Variants in GRID2 observed in about 807,000 individuals in gnomAD.
GRID2 encodes glutamate receptor ionotropic, delta-2.
A neutral mutation model predicts 114.8 loss-of-function variants in GRID2; 33 were observed. The ratio of observed to expected loss-of-function variants is 0.29; its 90% CI spans 0.22 to 0.38. The LOEUF is 0.38. GRID2 is among the 10% of genes least tolerant of loss of function. GRID2 has a pLI of 1.00. For synonymous variants in GRID2, 505 were observed against 449.9 expected, an observed-to-expected ratio of 1.12 and a Z score of -1.55; for missense variants, 1,184 against 1,257.7, an observed-to-expected ratio of 0.94 and a Z score of 0.89.
At chr4:92,828,818 A>G (rs1741907740) in intron 2 of GRID2, among the ~76,000 whole-genome samples, 1 of 152,112 alleles carries the variant, frequency 6.6e-6, no homozygotes, top group African/African-American at 2.4e-5. Context: ...AAGAAGGCAA[A>G]CAAGTGTCTG....
intron 8 of GRID2, among the ~76,000 whole-genome samples, chr4:93,313,613 C>T (rs565417914): frequency 1.1e-4 from 17 of 152,140 alleles, no homozygotes; most frequent in Admixed American, 1.1e-3. Context: ...AACATACTTC[C>T]ATTCTTAGGA....
chr4:93,217,916 A>G (rs1287351892), intron 6 of GRID2, among the ~76,000 whole-genome samples: 1 of 152,066 alleles, frequency 6.6e-6, no homozygotes, highest in Non-Finnish European at 1.5e-5. Context: ...TATTTACCAT[A>G]GGAAACATTT....
intron 2 of GRID2, among the ~76,000 whole-genome samples, chr4:93,053,087 G>A (rs114076798): frequency 4.6e-5 from 7 of 151,904 alleles, no homozygotes; most frequent in Non-Finnish European, 7.4e-5. Flanking sequence ...TGGCACACTC[G>A]CCTCCCACTC....
intron 8 of GRID2, among the ~76,000 whole-genome samples, chr4:93,262,627 A>G (rs1170303407): frequency 1.3e-5 from 2 of 151,970 alleles, no homozygotes; most frequent in Non-Finnish European, 2.9e-5. Flanking sequence ...AAGAAAAATC[A>G]TTCGTAATCT....
At chr4:92,835,980 T>G (rs1312605725) in intron 2 of GRID2, among the ~76,000 whole-genome samples, 2 of 152,158 alleles carry the variant, frequency 1.3e-5, no homozygotes, top group African/African-American at 2.4e-5. Context: ...ACCCTTTATA[T>G]TCTTAAAAAA....
Position 92,939,821 on chromosome 4 carries a change from G to C in GRID2, c.245-145174G>C, listed in dbSNP as rs1275619350. ...TTCCCAGCACCATTAATTAAATAGG[G>C]AATCCTTTCCTCATTTCTTGTTTTT... On this transcript the variant is annotated intron_variant, in intron 2 of 15. Transcript: ENST00000282020. 2.0e-5 allele frequency among the ~76,000 whole-genome samples: 3 copies of C among 147,210 alleles called. 1 individual carries two copies. In the East Asian group the frequency reaches 6.4e-4, roughly 32 times the overall value.
intron 13 of GRID2, among the ~76,000 whole-genome samples, chr4:93,537,053 A>C (rs1377651050): frequency 6.6e-6 from 1 of 151,632 alleles, no homozygotes; most frequent in Non-Finnish European, 1.5e-5. Flanking sequence ...AAATCCTTGA[A>C]ATCTTATAAG....
At chr4:92,479,671 C>T (rs1159829081) in intron 1 of GRID2, among the ~76,000 whole-genome samples, 1 of 152,108 alleles carries the variant, frequency 6.6e-6, no homozygotes, top group Non-Finnish European at 1.5e-5. Context: ...GAGGAGTATT[C>T]TTCAGACCTT....
At chr4:93,707,061 G>T (rs1055824529) in intron 14 of GRID2, among the ~76,000 whole-genome samples, 1 of 151,992 alleles carries the variant, frequency 6.6e-6, no homozygotes, top group Non-Finnish European at 1.5e-5. Flanking sequence ...ATCCCACTTG[G>T]TCATGATGAA....
intron 2 of GRID2, among the ~76,000 whole-genome samples, chr4:92,794,905 T>TATATATACACACACACAC (rs745392261): frequency 5.5e-5 from 7 of 127,816 alleles, no homozygotes; most frequent in East Asian, 2.3e-4. Flanking sequence ...TATATATATA[T>TATATATACACACACACAC]ACACACACAC....
intron 2 of GRID2, among the ~76,000 whole-genome samples, chr4:93,000,201 A>T (rs2149215861): frequency 6.6e-6 from 1 of 151,796 alleles, no homozygotes; most frequent in East Asian, 1.9e-4. Context: ...CTTGGGAAAT[A>T]ATATATGTAT....
intron 1 of GRID2, among the ~76,000 whole-genome samples, chr4:92,346,689 A>ATC (rs1727780151): frequency 6.6e-6 from 1 of 152,132 alleles, no homozygotes; most frequent in Non-Finnish European, 1.5e-5. Context: ...TATCAGGGAG[A>ATC]AAATCAACAA....
chr4:93,672,285 A>G lies in GRID2; in HGVS notation c.2360+45850A>G, dbSNP rs962732079. Among the ~76,000 whole-genome samples the G allele has an allele frequency of 2.0e-5, 3 of 152,204 alleles. No individual in the cohort carries two copies. The East Asian group carries it at 5.8e-4, about 29-fold the overall frequency. On this transcript the variant is annotated intron_variant, in intron 14 of 15. Transcript: ENST00000282020. ...ACATTCTCCAAGGGGGAACCCCCCC[A>G]CCACAGATGTAACTCCATACATCCA...
At chr4:93,778,772 GTT>G (rs1294667187), downstream of GRID2, among the ~76,000 whole-genome samples, 1 of 152,054 alleles carries the variant, frequency 6.6e-6, no homozygotes, top group African/African-American at 2.4e-5. Flanking sequence ...TCTAGACACT[GTT>G]TTTTAAAAAA....
At chr4:92,509,517 G>A (rs1724135548) in intron 1 of GRID2, among the ~76,000 whole-genome samples, 1 of 151,894 alleles carries the variant, frequency 6.6e-6, no homozygotes, top group Non-Finnish European at 1.5e-5. Flanking sequence ...ATAAATGCTT[G>A]TTCTCATGGA....
At position 92,945,221 on chromosome 4, in the gene GRID2, TTATTC is replaced by T. The variant is rs1194024847; in HGVS notation, c.245-139771_245-139767del. 4.6e-5 allele frequency among the ~76,000 whole-genome samples: 7 copies of T among 152,340 alleles called. No individual in the cohort carries two copies. The East Asian group carries it at 1.2e-3, about 25-fold the overall frequency. On this transcript the variant is annotated intron_variant, in intron 2 of 15. Coordinates refer to ENST00000282020, the MANE Select transcript of GRID2 (RefSeq NM_001510.4). ...AATCTTTGAATATGTGAACCTCACT[TTATTC>T]TACTCTCTTGATTGATAGTTTACTG...
intron 8 of GRID2, among the ~76,000 whole-genome samples, chr4:93,369,850 T>G (rs1002741658): frequency 6.6e-6 from 1 of 152,204 alleles, no homozygotes; most frequent in African/African-American, 2.4e-5. Flanking sequence ...CTCTTCTAAT[T>G]ATTTTACAAA....
intron 2 of GRID2, among the ~76,000 whole-genome samples, chr4:92,946,331 T>C (rs909810535): frequency 2.0e-5 from 3 of 152,076 alleles, no homozygotes; most frequent in Non-Finnish European, 4.4e-5. Context: ...CTACTTTTTC[T>C]TTACCCACTC....
At chr4:92,844,047 A>G (rs992993676) in intron 2 of GRID2, among the ~76,000 whole-genome samples, 2 of 152,146 alleles carry the variant, frequency 1.3e-5, no homozygotes, top group African/African-American at 2.4e-5. Flanking sequence ...TAATAAAAAA[A>G]CTTTATTGAT....
Sources: gnomAD v4.1 joint callset for allele counts (sites outside exome capture counted in the v4.1 genomes callset) on GRCh38, gnomAD v4.1.1 for gene constraint, MANE v1.5 for transcripts, NCBI Gene and HGNC (gene_info 2026-07-23, HGNC 2026-07-21) for gene names.